The following RPTOR variants were observed in gnomAD, a reference collection of about 807,000 sequenced individuals.
RPTOR encodes regulatory-associated protein of mTOR.
In RPTOR, 21 loss-of-function variants were observed where a neutral mutation model predicts 169.9. The ratio of observed to expected loss-of-function variants is 0.12; its 90% CI spans 0.09 to 0.18. RPTOR has a LOEUF of 0.18. RPTOR is among the 10% of genes least tolerant of loss of function. The pLI, the probability that RPTOR is intolerant of heterozygous loss-of-function variation, is 1.00. For synonymous variants in RPTOR, 732 were observed against 753.2 expected, an observed-to-expected ratio of 0.97 and a Z score of 0.46; for missense variants, 1,133 against 1,855.9, an observed-to-expected ratio of 0.61 and a Z score of 7.16.
At chr17:80,876,002 A>G (rs1450360078) in intron 13 of RPTOR, among the ~76,000 whole-genome samples, 4 of 26,930 alleles carry the variant, frequency 1.5e-4, no homozygotes, top group Admixed American at 3.9e-4. Flanking sequence ...GTCACCTGCC[A>G]GGTCTTCCAC....
At chr17:80,623,512 C>T (rs756981942) in intron 1 of RPTOR, among the ~76,000 whole-genome samples, 2 of 151,912 alleles carry the variant, frequency 1.3e-5, no homozygotes, top group African/African-American at 4.8e-5. Flanking sequence ...ATACCTATCA[C>T]CTTAAATATT....
intron 28 of RPTOR, among the ~76,000 whole-genome samples, chr17:80,952,731 G>A (rs1466712048): frequency 2.0e-5 from 3 of 152,046 alleles, no homozygotes; most frequent in Non-Finnish European, 4.4e-5. Flanking sequence ...CCAAGGTGTC[G>A]CTTCCTGGCA....
intron 6 of RPTOR, among the ~76,000 whole-genome samples, chr17:80,755,048 C>A (rs1442247711): frequency 6.6e-6 from 1 of 152,150 alleles, no homozygotes; most frequent in African/African-American, 2.4e-5. Flanking sequence ...AAAGTAAGGG[C>A]CCCCAGGGAC....
intron 1 of RPTOR, among the ~76,000 whole-genome samples, chr17:80,570,725 T>C (rs1405141640): frequency 6.6e-6 from 1 of 152,164 alleles, no homozygotes; most frequent in African/African-American, 2.4e-5. Context: ...CCTCCCAAAG[T>C]GCTGGGATTA....
At position 80,633,099 on chromosome 17, in the gene RPTOR, A is replaced by T. The variant is rs553136345; in HGVS notation, c.265+7306A>T. On this transcript the variant is annotated intron_variant, in intron 2 of 33. Transcript: ENST00000306801. The surrounding 1 kb of genome is among the most constrained non-coding windows in gnomAD (Gnocchi z 4.1). ...CGGCATGAGCTACCACACTAGGCCC[A>T]TTTTTCATTTTGAAAAAAAAGTTCC... Among the ~76,000 whole-genome samples, 27 of 152,152 alleles carry T rather than the reference A, an allele frequency of 1.8e-4. No individual in the cohort carries two copies. Among genetic ancestry groups the T allele is most frequent in the African/African-American group, 5.8e-4 (24 of 41,496 alleles).
intron 28 of RPTOR, among the ~76,000 whole-genome samples, chr17:80,951,979 G>A (rs1414248355): frequency 2.6e-5 from 4 of 152,224 alleles, no homozygotes; most frequent in Non-Finnish European, 4.4e-5. Flanking sequence ...ACAGACACAC[G>A]TGCAGGGACA....
intron 6 of RPTOR, among the ~76,000 whole-genome samples, chr17:80,774,600 G>A (rs991177428): frequency 3.3e-5 from 5 of 152,166 alleles, no homozygotes; most frequent in Non-Finnish European, 5.9e-5. Flanking sequence ...CTTCACCAAC[G>A]TGAGCTGAAG....
Position 80,965,988 on chromosome 17 carries a change from C to G in RPTOR, c.*1658C>G, listed in dbSNP as rs2069423617. ...CGGCAACACCAGAATCTTCCAGAAG[C>G]CCAGCTCCACCCGCACACGCAGCTT... On this transcript the variant is annotated 3_prime_UTR_variant, in exon 34 of 34. Coordinates refer to ENST00000306801, the MANE Select transcript of RPTOR (RefSeq NM_020761.3). The G allele has an allele frequency of 4.3e-6, 1 of 233,320 alleles. No homozygotes were observed. The highest frequency in any genetic ancestry group is 1.8e-4 in the South Asian group (1 of 5,536). The allele number at this position is 233,320 out of a possible 1,614,324, so 14.5% of individuals were successfully genotyped here.
In RPTOR at chr17:80,654,043, G is replaced by C. The variant is rs561760879; in HGVS notation, c.348+10233G>C. On this transcript the variant is annotated intron_variant, in intron 3 of 33. Coordinates refer to ENST00000306801, the MANE Select transcript of RPTOR (RefSeq NM_020761.3). ...GACAAGTGCCACCCAGGGGCAAGGG[G>C]AGTGTGTGGTTCAAAGTCCCTGAGA... Among the ~76,000 whole-genome samples the C allele has an allele frequency of 3.1e-3, 465 of 148,186 alleles. 2 individuals are homozygous for C. Among genetic ancestry groups the C allele is most frequent in the African/African-American group, 0.011 (451 of 40,084 alleles).
chr17:80,662,422 A>G (rs1193994013), intron 3 of RPTOR, among the ~76,000 whole-genome samples: 1 of 152,052 alleles, frequency 6.6e-6, no homozygotes, highest in Non-Finnish European at 1.5e-5. Context: ...GAGAACTCAG[A>G]GACTAGGGTT....
intron 1 of RPTOR, among the ~76,000 whole-genome samples, chr17:80,564,702 G>GC: frequency 6.6e-6 from 1 of 151,636 alleles, no homozygotes; most frequent in Admixed American, 6.6e-5. Flanking sequence ...CAGGTATCAA[G>GC]CCTAGTACCC....
At chr17:80,618,922 A>G (rs1319471654) in intron 1 of RPTOR, among the ~76,000 whole-genome samples, 4 of 152,144 alleles carry the variant, frequency 2.6e-5, no homozygotes, top group African/African-American at 9.7e-5. Flanking sequence ...GTGCTTGGGG[A>G]TGGAAGTGAG....
chr17:80,691,596 C>T lies in RPTOR; in HGVS notation c.349-16245C>T, dbSNP rs752070818. On this transcript the variant is annotated intron_variant, in intron 3 of 33. Transcript: ENST00000306801. ...GTGTTGGCCCCTGAGCCTTGTGATG[C>T]AGTTCTCGCGGTCCTCAATTGCTTC... is the stretch of plus-strand genomic sequence containing the variant. Among the ~76,000 whole-genome samples, 5 of 152,206 alleles carry T rather than the reference C, an allele frequency of 3.3e-5. No homozygotes were observed. The East Asian group carries it at 7.7e-4, about 23-fold the overall frequency.
chr17:80,787,244 A>G (rs568590193), intron 6 of RPTOR, among the ~76,000 whole-genome samples: 1 of 152,356 alleles, frequency 6.6e-6, no homozygotes, highest in African/African-American at 2.4e-5. Context: ...TTTTAAAAAA[A>G]TACTTTTGGT....
chr17:80,648,706 C>G (rs2065615559), intron 3 of RPTOR, among the ~76,000 whole-genome samples: 1 of 152,106 alleles, frequency 6.6e-6, no homozygotes, highest in Non-Finnish European at 1.5e-5. Context: ...GCCCCCCACC[C>G]CCAAATGTTT....
In RPTOR at chr17:80,583,182, GTTTTTTT is replaced by G. The variant is rs1166711662; in HGVS notation, c.162+37409_162+37415del. On this transcript the variant is annotated intron_variant, in intron 1 of 33. Transcript: ENST00000306801. Reference sequence around the variant, plus strand: ...GGTCCCTGTCCACTGCCTCTTTCCTGTTTTTTTTTTTTTTTTTTTTTTTTGAGACAGA... The same window carrying G: ...GGTCCCTGTCCACTGCCTCTTTCCTGTTTTTTTTTTTTTTTTTGAGACAGA... 2.3e-4 allele frequency among the ~76,000 whole-genome samples: 18 copies of G among 79,276 alleles called. 1 individual carries two copies. The highest frequency in any genetic ancestry group is 5.1e-4 in the African/African-American group (10 of 19,538). 52.0% of individuals were successfully genotyped at this position (79,276 alleles called of 152,430 possible). A position where few individuals can be genotyped will look rare whatever the true frequency, so the allele number is the denominator to read the frequency against.
chr17:80,623,178 T>TA (rs34636810), intron 1 of RPTOR, among the ~76,000 whole-genome samples: 2,562 of 152,284 alleles, frequency 0.017, 26 homozygotes, highest in Middle Eastern at 0.031. Flanking sequence ...TTCTGGTCAA[T>TA]ACGCTAAGAT....
intron 13 of RPTOR, chr17:80,858,193 C>CCCCACA: frequency 2.4e-6 from 1 of 423,064 alleles, no homozygotes; most frequent in East Asian, 4.4e-5. Flanking sequence ...CACTCAGTCC[C>CCCCACA]CCTGCCTGTG....
intron 6 of RPTOR, among the ~76,000 whole-genome samples, chr17:80,791,063 T>A (rs1395651964): frequency 2.0e-5 from 3 of 152,014 alleles, no homozygotes; most frequent in Non-Finnish European, 2.9e-5. Context: ...ACTCATTTAT[T>A]CTACTCCAGC....
Sources: allele counts gnomAD v4.1 joint callset (sites outside exome capture counted in the v4.1 genomes callset), GRCh38; gene constraint gnomAD v4.1.1; non-coding constraint Gnocchi (gnomAD v3.1); transcripts MANE v1.5; gene names NCBI Gene and HGNC (gene_info 2026-07-23, HGNC 2026-07-21).